MMP26: variants seen among roughly 807,000 people sequenced by gnomAD.
MMP26 encodes the protein matrix metallopeptidase 26.
MMP26 carries 33 observed loss-of-function variants against 31.0 expected under a neutral mutation model. That is an observed-to-expected ratio of 1.06 (90% CI 0.81 to 1.42). The LOEUF is 1.42. Among genes scored for constraint, MMP26 ranks in the 40% most tolerant of loss-of-function variants. The probability of loss-of-function intolerance (pLI) is 0.00; values close to 1 mark genes in which losing one functional copy is unlikely to be tolerated. For synonymous variants in MMP26, 122 were observed against 114.9 expected (o/e 1.06, Z -0.40); for missense variants, 347 against 316.1 (o/e 1.10, Z -0.74).
Position 4,988,320 on chromosome 11 carries a change from C to G in MMP26, c.99+10C>G. 6.2e-7 allele frequency: 1 copy of G among 1,606,334 alleles called. No individual in the cohort carries two copies. Reference sequence around the variant, plus strand: ...ATGGGACTTTGTTGAGGTAGGTGAACGACTCAGGACCACATTATTACATGG... The same window carrying G: ...ATGGGACTTTGTTGAGGTAGGTGAAGGACTCAGGACCACATTATTACATGG... On this transcript the variant is annotated intron_variant, in intron 3 of 7. Coordinates refer to ENST00000380390, the MANE Select transcript of MMP26 (RefSeq NM_021801.5).
At chr11:4,867,134 G>A (rs897567786) in intron 2 of MMP26, among the ~76,000 whole-genome samples, 1 of 152,038 alleles carries the variant, frequency 6.6e-6, no homozygotes, top group Non-Finnish European at 1.5e-5. Context: ...ACTATCAACA[G>A]AGAAAATAGA....
At chr11:4,731,142 C>T (rs1226560427) in intron 1 of MMP26, among the ~76,000 whole-genome samples, 1 of 152,072 alleles carries the variant, frequency 6.6e-6, no homozygotes, top group Admixed American at 6.5e-5. Flanking sequence ...TGAGGTTTCA[C>T]TATGTTGGCC....
intron 1 of MMP26, among the ~76,000 whole-genome samples, chr11:4,720,950 C>T (rs1008362302): frequency 6.6e-6 from 1 of 152,150 alleles, no homozygotes; most frequent in East Asian, 1.9e-4. Flanking sequence ...AAAAATAAAA[C>T]TAGAAACTGG....
chr11:4,914,940 C>T (rs774815901), intron 2 of MMP26: 1 of 1,614,048 alleles, frequency 6.2e-7, no homozygotes, highest in East Asian at 2.2e-5. Flanking sequence ...GTGTTAAGGG[C>T]CTTGAATCTC....
At chr11:4,753,324 A>G (rs554648116) in intron 1 of MMP26, among the ~76,000 whole-genome samples, 9 of 152,094 alleles carry the variant, frequency 5.9e-5, no homozygotes, top group Non-Finnish European at 1.2e-4. Flanking sequence ...AGCTTCTTTC[A>G]TTCAGTATTT....
chr11:4,881,199 C>A (rs772279841), intron 2 of MMP26, among the ~76,000 whole-genome samples: 1 of 152,124 alleles, frequency 6.6e-6, no homozygotes, highest in Non-Finnish European at 1.5e-5. Flanking sequence ...CTTCTTCTGT[C>A]TCCATTCCAC....
intron 1 of MMP26, among the ~76,000 whole-genome samples, chr11:4,751,545 G>T (rs1848446969): frequency 6.6e-6 from 1 of 152,094 alleles, no homozygotes; most frequent in Non-Finnish European, 1.5e-5. Context: ...GAAGTCGTAA[G>T]CAGACTGGCA....
In MMP26 at chr11:4,868,593, C is replaced by G. The variant is rs190973424; in HGVS notation, c.-145+101252C>G. ...GGATACAAACAAATGGAAGAACATTCCATGCTCTTTGATAGGAAGAATCGA... is the reference window on the plus strand; with the variant it reads ...GGATACAAACAAATGGAAGAACATTGCATGCTCTTTGATAGGAAGAATCGA... On this transcript the variant is annotated intron_variant, in intron 2 of 7. Transcript: ENST00000380390. 4.0e-4 allele frequency among the ~76,000 whole-genome samples: 61 copies of G among 152,260 alleles called. 2 individuals are homozygous for G. The highest frequency in any genetic ancestry group is 1.2e-3 in the African/African-American group (51 of 41,562).
At chr11:4,873,996 T>C (rs1348731868) in intron 2 of MMP26, among the ~76,000 whole-genome samples, 5 of 152,126 alleles carry the variant, frequency 3.3e-5, no homozygotes, top group South Asian at 4.1e-4. Context: ...GAGACACTTA[T>C]TATATAAGTG....
chr11:4,866,195 C>A (rs1440545770), intron 2 of MMP26, among the ~76,000 whole-genome samples: 1 of 151,980 alleles, frequency 6.6e-6, no homozygotes, highest in Non-Finnish European at 1.5e-5. Flanking sequence ...AGTGGTTATA[C>A]TTAGTGTAAG....
At chr11:4,732,400 T>C (rs913711700) in intron 1 of MMP26, among the ~76,000 whole-genome samples, 2 of 151,992 alleles carry the variant, frequency 1.3e-5, no homozygotes, top group African/African-American at 2.4e-5. Flanking sequence ...AATACAATAG[T>C]TTTTTGTGAT....
intron 2 of MMP26, among the ~76,000 whole-genome samples, chr11:4,775,535 C>T (rs1480479181): frequency 1.3e-5 from 2 of 152,002 alleles, no homozygotes; most frequent in Admixed American, 6.6e-5. Flanking sequence ...ATGTTTTAGC[C>T]TGTTTTGTGT....
At chr11:4,966,700 T>C (rs1254098776) in intron 2 of MMP26, among the ~76,000 whole-genome samples, 1 of 152,168 alleles carries the variant, frequency 6.6e-6, no homozygotes, top group Non-Finnish European at 1.5e-5. Context: ...CTTTTTTTCA[T>C]CAAGGAAACG....
intron 2 of MMP26, among the ~76,000 whole-genome samples, chr11:4,889,240 A>G (rs1850583774): frequency 6.6e-6 from 1 of 152,134 alleles, no homozygotes; most frequent in African/African-American, 2.4e-5. Context: ...CTTCAATCTC[A>G]TATAAAACGG....
At chr11:4,836,754 G>T (rs1849724842) in intron 2 of MMP26, among the ~76,000 whole-genome samples, 1 of 143,596 alleles carries the variant, frequency 7.0e-6, no homozygotes, top group Non-Finnish European at 1.5e-5. Context: ...CTGCCTCCCA[G>T]GTTCAAGCGA....
intron 2 of MMP26, among the ~76,000 whole-genome samples, chr11:4,952,477 G>A (rs1846383851): frequency 8.0e-6 from 1 of 125,688 alleles, no homozygotes; most frequent in Admixed American, 8.8e-5. Context: ...CTTTGGAAAA[G>A]GCAGATGGAT....
chr11:4,957,171 T>A (rs904449156), intron 2 of MMP26, among the ~76,000 whole-genome samples: 2 of 152,160 alleles, frequency 1.3e-5, no homozygotes, highest in Admixed American at 6.5e-5. Context: ...TCGTGAGAAG[T>A]AAAAGGCAAT....
rs2499953 is a variant in MMP26 at position 4,989,675 on chromosome 11, A to T, written c.127A>T (p.Lys43Ter). The T allele has an allele frequency of 1.9e-6, 3 of 1,612,880 alleles. No homozygotes were observed. The highest frequency in any genetic ancestry group is 4.5e-5 in the East Asian group (2 of 44,844). ...EGYFHQFFLT[K>*]KESPLLTQET... ...CTATTTCCATCAATTTTTCCTGACC[A>T]AGAAGGAGTCGCCACTCCTTACCCA... Residue 43 changes from lysine (K) to a stop codon, truncating the protein, a stop_gained, in exon 4 of 8, where the codon AAG (lysine) becomes TAG (stop). Transcript: ENST00000380390. LOFTEE classifies it high-confidence loss of function.
At chr11:4,769,101 C>T in intron 2 of MMP26, 1 of 1,597,756 alleles carries the variant, frequency 6.3e-7, no homozygotes, top group African/African-American at 1.3e-5. Context: ...GAATGGACTA[C>T]TCTGGGGGCT....
Sources: allele counts gnomAD v4.1 joint callset (sites outside exome capture counted in the v4.1 genomes callset), GRCh38; gene constraint gnomAD v4.1.1; transcripts MANE v1.5; gene names NCBI Gene and HGNC (gene_info 2026-07-23, HGNC 2026-07-21).